The following ROBO1 variants were observed in gnomAD, a reference collection of about 807,000 sequenced individuals.
ROBO1 encodes roundabout guidance receptor 1.
ROBO1 carries 149 observed loss-of-function variants against 195.9 expected under a neutral mutation model. The ratio of observed to expected loss-of-function variants is 0.76; its 90% CI spans 0.67 to 0.87. ROBO1 has a LOEUF of 0.87. Ranked by LOEUF, ROBO1 falls within the 40% of genes least tolerant of loss-of-function variation. ROBO1 has a pLI of 0.00. For synonymous variants in ROBO1, 816 were observed against 733.2 expected, an observed-to-expected ratio of 1.11 and a Z score of -1.82; for missense variants, 1,933 against 2,068.3, an observed-to-expected ratio of 0.93 and a Z score of 1.27.
chr3:79,678,879 AT>A (rs1027629717), intron 1 of ROBO1, among the ~76,000 whole-genome samples: 19 of 152,228 alleles, frequency 1.2e-4, no homozygotes, highest in African/African-American at 4.6e-4. Context: ...ATTTGATACT[AT>A]TTAACACACC....
At chr3:79,490,800 CT>C (rs2107446750) in intron 2 of ROBO1, among the ~76,000 whole-genome samples, 1 of 152,214 alleles carries the variant, frequency 6.6e-6, no homozygotes, top group East Asian at 1.9e-4. Context: ...AGCTGAGACT[CT>C]TTTATTCAGA....
chr3:79,570,846 A>G (rs550871731), intron 2 of ROBO1, among the ~76,000 whole-genome samples: 98 of 152,270 alleles, frequency 6.4e-4, no homozygotes, highest in Non-Finnish European at 1.2e-3. Context: ...TTTTGAATCA[A>G]AGGAAAAATT....
intron 3 of ROBO1, among the ~76,000 whole-genome samples, chr3:78,986,706 G>A (rs1054489201): frequency 1.3e-5 from 2 of 152,176 alleles, no homozygotes; most frequent in Non-Finnish European, 2.9e-5. Flanking sequence ...ATGTATAGAA[G>A]GCAGCTACTT....
intron 2 of ROBO1, among the ~76,000 whole-genome samples, chr3:79,349,666 G>A (rs2035265522): frequency 6.6e-6 from 1 of 152,140 alleles, no homozygotes; most frequent in Non-Finnish European, 1.5e-5. Flanking sequence ...ACCTATGTGT[G>A]TATCGTCAAC....
intron 3 of ROBO1, among the ~76,000 whole-genome samples, chr3:78,957,978 G>A (rs925863461): frequency 5.9e-5 from 9 of 151,928 alleles, no homozygotes; most frequent in Non-Finnish European, 1.2e-4. Flanking sequence ...AATGGGTTTT[G>A]CTCTAGCTTT....
chr3:78,974,711 G>A (rs1576496957), intron 3 of ROBO1, among the ~76,000 whole-genome samples: 2 of 152,076 alleles, frequency 1.3e-5, no homozygotes, highest in East Asian at 3.9e-4. Context: ...CACATCTAAT[G>A]GTTTTTCTAT....
In ROBO1 at chr3:78,921,949, G is replaced by C. The variant is rs113528489; in HGVS notation, c.499+16652C>G. On this transcript the variant is annotated intron_variant, in intron 4 of 30. Transcript: ENST00000464233. ...CTACTGGCGTGCACCACCATGCCCA[G>C]CTATTTTTTCTTATTTTAGTAGAGA... 8.3e-3 allele frequency among the ~76,000 whole-genome samples: 1,260 copies of C among 152,050 alleles called. 26 individuals are homozygous for C. Among genetic ancestry groups the C allele is most frequent in the African/African-American group, 0.026 (1,088 of 41,456 alleles).
At chr3:79,015,310 C>G (rs1265497008) in intron 3 of ROBO1, among the ~76,000 whole-genome samples, 1 of 151,710 alleles carries the variant, frequency 6.6e-6, no homozygotes, top group Admixed American at 6.6e-5. Context: ...AGACCAGAGA[C>G]CAGACAATTG....
At chr3:78,807,759 A>C (rs1437499837) in intron 4 of ROBO1, among the ~76,000 whole-genome samples, 1 of 152,176 alleles carries the variant, frequency 6.6e-6, no homozygotes, top group Non-Finnish European at 1.5e-5. Context: ...CAGCACATGC[A>C]TGTGTGTGTT....
At chr3:79,248,663 G>A (rs1211793627) in intron 2 of ROBO1, among the ~76,000 whole-genome samples, 1 of 152,120 alleles carries the variant, frequency 6.6e-6, no homozygotes, top group Non-Finnish European at 1.5e-5. Flanking sequence ...GCAGAGAGAC[G>A]AGTTAAGCTT....
intron 2 of ROBO1, among the ~76,000 whole-genome samples, chr3:79,397,221 T>C (rs1248640270): frequency 6.6e-6 from 1 of 150,530 alleles, no homozygotes; most frequent in Non-Finnish European, 1.5e-5. Flanking sequence ...TTAATAAGTA[T>C]ATATATACAC....
At chr3:79,646,309 T>A (rs1360167465) in intron 1 of ROBO1, among the ~76,000 whole-genome samples, 2 of 151,796 alleles carry the variant, frequency 1.3e-5, no homozygotes, top group Non-Finnish European at 2.9e-5. Context: ...AAATGAAAAA[T>A]GCTTAAAATA....
At chr3:79,598,243 TATTA>T (rs1324795703) in intron 1 of ROBO1, among the ~76,000 whole-genome samples, 3 of 152,074 alleles carry the variant, frequency 2.0e-5, no homozygotes, top group African/African-American at 7.2e-5. Flanking sequence ...ATAGTACATC[TATTA>T]GTCTCATGTA....
intron 2 of ROBO1, among the ~76,000 whole-genome samples, chr3:79,520,157 C>CAAAAAA (rs111705222): frequency 1.0e-5 from 1 of 96,468 alleles, no homozygotes; most frequent in African/African-American, 3.5e-5. Context: ...AAGATTCTAT[C>CAAAAAA]AAAAAAAAAA....
At position 78,639,758 on chromosome 3, in the gene ROBO1, G is replaced by C. The variant is rs201160469; in HGVS notation, c.3023C>G (p.Thr1008Ser). 5.6e-6 allele frequency: 9 copies of C among 1,613,242 alleles called. No homozygotes were observed. Among genetic ancestry groups the C allele is most frequent in the Non-Finnish European group, 7.6e-6 (9 of 1,179,450 alleles). The change falls in exon 22 of 31, where the codon ACC (threonine) becomes AGC (serine). Residue 1008 changes from threonine to serine, a missense_variant. Physicochemically the swap from Thr to Ser is moderately conservative, Grantham distance 58. Around this residue, in one of 3 missense-constraint regions of ROBO1, gnomAD observed 1,737 missense variants for 1,882.5 expected, o/e 0.92. Coordinates refer to ENST00000464233, the MANE Select transcript of ROBO1 (RefSeq NM_002941.4). ...GTGTCCCTAACCTGGGCGACTGTAG[G>C]TAGTGAGGTTGCTGTCGCTGTTTCC... ...GNGNSDSNLT[T>S]YSRPADCIAN...
At chr3:79,757,503 CT>C (rs1704469764) in intron 1 of ROBO1, among the ~76,000 whole-genome samples, 1 of 145,228 alleles carries the variant, frequency 6.9e-6, no homozygotes. Flanking sequence ...CTCTCTCTCT[CT>C]CTCTCCATAT....
chr3:78,912,683 G>A (rs927066443), intron 4 of ROBO1, among the ~76,000 whole-genome samples: 4 of 152,042 alleles, frequency 2.6e-5, no homozygotes, highest in Admixed American at 2.6e-4. Context: ...AAGCATCCAT[G>A]TGCAAATAGA....
At chr3:79,486,213 ATTT>A (rs1161358832) in intron 2 of ROBO1, among the ~76,000 whole-genome samples, 2 of 151,980 alleles carry the variant, frequency 1.3e-5, no homozygotes, top group East Asian at 1.9e-4. Flanking sequence ...ATTACATTTT[ATTT>A]TTTATTTTAT....
intron 14 of ROBO1, 49 bp from the exon 15 acceptor site, chr3:78,662,163 A>C (rs2107672758): frequency 6.5e-7 from 1 of 1,532,056 alleles, no homozygotes. Context: ...ACGTTACTGA[A>C]CGGAATGAAA....
Sources: gnomAD v4.1 joint callset for allele counts (sites outside exome capture counted in the v4.1 genomes callset) on GRCh38, gnomAD v4.1.1 for gene constraint, gnomAD v4.1.1 regional missense constraint, MANE v1.5 for transcripts, NCBI Gene and HGNC (gene_info 2026-07-23, HGNC 2026-07-21) for gene names.